The following GLCE variants were observed in gnomAD, a reference collection of about 807,000 sequenced individuals.
GLCE encodes D-glucuronyl C5-epimerase.
In GLCE, 19 loss-of-function variants were observed where a neutral mutation model predicts 47.9. The observed-to-expected ratio is 0.40, with a 90% CI of 0.28 to 0.58. The LOEUF is 0.58. GLCE is among the 20% of genes least tolerant of loss of function. GLCE has a pLI of 0.48. For missense variants in GLCE, 556 were observed against 743.3 expected (o/e 0.75, Z 2.93); for synonymous variants, 245 against 263.4 (o/e 0.93, Z 0.68).
intron 1 of GLCE, among the ~76,000 whole-genome samples, chr15:69,200,675 C>A (rs991543791): frequency 6.6e-6 from 1 of 152,050 alleles, no homozygotes. Context: ...AGGGTGTTGA[C>A]AAGAAAAGCT....
intron 1 of GLCE, among the ~76,000 whole-genome samples, chr15:69,198,012 A>G (rs1037357942): frequency 1.3e-5 from 2 of 152,188 alleles, no homozygotes; most frequent in Admixed American, 1.3e-4. Context: ...TTTGATGCTT[A>G]TAATTCACAT....
chr15:69,262,616 G>A (rs1411550610), intron 4 of GLCE, among the ~76,000 whole-genome samples: 1 of 152,126 alleles, frequency 6.6e-6, no homozygotes, highest in Non-Finnish European at 1.5e-5. Context: ...ATTTCATTGT[G>A]CACTTTTGGG....
At chr15:69,214,382 G>C (rs1474788277) in intron 2 of GLCE, among the ~76,000 whole-genome samples, 1 of 152,082 alleles carries the variant, frequency 6.6e-6, no homozygotes, top group Non-Finnish European at 1.5e-5. Context: ...TTATAATAGT[G>C]AGTGAGTTCT....
At chr15:69,166,658 G>T (rs190944973) in intron 1 of GLCE, among the ~76,000 whole-genome samples, 45 of 152,156 alleles carry the variant, frequency 3.0e-4, no homozygotes, top group African/African-American at 1.1e-3. Context: ...GGTGGCTTAC[G>T]CCTCTAATCC....
At chr15:69,252,258 T>C (rs1325048553) in intron 2 of GLCE, among the ~76,000 whole-genome samples, 1 of 152,128 alleles carries the variant, frequency 6.6e-6, no homozygotes, top group African/African-American at 2.4e-5. Flanking sequence ...TAATTTATTT[T>C]TAAAAAAAAA....
At chr15:69,191,770 T>C (rs763570696) in intron 1 of GLCE, among the ~76,000 whole-genome samples, 4 of 152,154 alleles carry the variant, frequency 2.6e-5, no homozygotes, top group Non-Finnish European at 5.9e-5. Context: ...TTCAAGTTCT[T>C]AGACACCAGC....
At position 69,268,701 on chromosome 15, in the gene GLCE, A is replaced by G. The variant is rs1401170501; in HGVS notation, c.1311A>G (p.Leu437=). Residue 437 remains leucine, a synonymous_variant, in exon 5 of 5, where the codon TTA becomes TTG. Transcript: ENST00000261858. ...AGTTAGGGGAAGGGTTCAAGTCTTTAGAGCCAGGATGGTATTCTGCCATGG... is the reference window on the plus strand; with the variant it reads ...AGTTAGGGGAAGGGTTCAAGTCTTTGGAGCCAGGATGGTATTCTGCCATGG... ...TRKLGEGFKS[L]EPGWYSAMAQ... The G allele has an allele frequency of 1.2e-6, 2 of 1,614,108 alleles. No homozygotes were observed. Among genetic ancestry groups the G allele is most frequent in the East Asian group, 2.2e-5 (1 of 44,898 alleles).
chr15:69,170,069 CA>C (rs2051566774), intron 1 of GLCE, among the ~76,000 whole-genome samples: 2 of 151,970 alleles, frequency 1.3e-5, no homozygotes, highest in Non-Finnish European at 2.9e-5. Flanking sequence ...AACATTAAGT[CA>C]AAAGATAAGA....
intron 1 of GLCE, among the ~76,000 whole-genome samples, chr15:69,181,188 G>A (rs766443225): frequency 3.3e-5 from 5 of 152,102 alleles, no homozygotes; most frequent in Non-Finnish European, 7.4e-5. Context: ...GTTGGATCTT[G>A]GACAAAGTAA....
chr15:69,207,065 C>CTTT (rs1267056624), intron 1 of GLCE, among the ~76,000 whole-genome samples: 2 of 152,032 alleles, frequency 1.3e-5, no homozygotes, highest in African/African-American at 2.4e-5. Flanking sequence ...CTAACAGAAA[C>CTTT]CTGGCCTTAT....
At chr15:69,216,481 T>A (rs2052308561) in intron 2 of GLCE, among the ~76,000 whole-genome samples, 1 of 152,158 alleles carries the variant, frequency 6.6e-6, no homozygotes, top group Non-Finnish European at 1.5e-5. Context: ...TATATTTAGT[T>A]TCTGTCAGAA....
At chr15:69,230,545 C>T (rs543053761) in intron 2 of GLCE, among the ~76,000 whole-genome samples, 3 of 152,308 alleles carry the variant, frequency 2.0e-5, no homozygotes, top group Non-Finnish European at 2.9e-5. Flanking sequence ...CCACAAGAGG[C>T]ATGATTTATC....
chr15:69,263,797 G>A (rs1370666183), intron 4 of GLCE, among the ~76,000 whole-genome samples: 1 of 152,090 alleles, frequency 6.6e-6, no homozygotes, highest in African/African-American at 2.4e-5. Context: ...ATGCTGCATA[G>A]TAAATCTGTT....
At chr15:69,240,722 A>G (rs566796795) in intron 2 of GLCE, among the ~76,000 whole-genome samples, 1 of 152,340 alleles carries the variant, frequency 6.6e-6, no homozygotes, top group Admixed American at 6.5e-5. Flanking sequence ...AGAAAATTGT[A>G]TTAGTGATGC....
chr15:69,218,138 C>T (rs374058396), intron 2 of GLCE, among the ~76,000 whole-genome samples: 25 of 125,702 alleles, frequency 2.0e-4, no homozygotes, highest in African/African-American at 6.5e-4. Context: ...GGTGACAGAG[C>T]GAGACTGTCT....
intron 1 of GLCE, among the ~76,000 whole-genome samples, chr15:69,204,277 CTTTTTTTTTTTTTT>C (rs57376738): frequency 1.1e-5 from 1 of 88,342 alleles, no homozygotes; most frequent in Non-Finnish European, 2.2e-5. Context: ...GATTGTTTTA[CTTTTTTTTTTTTTT>C]TTTTTTTTTG....
chr15:69,208,802 A>G (rs948867358), intron 1 of GLCE, among the ~76,000 whole-genome samples: 4 of 152,136 alleles, frequency 2.6e-5, no homozygotes, highest in Admixed American at 6.6e-5. Flanking sequence ...ATACATCAGC[A>G]TTTCGTTGTT....
chr15:69,163,108 T>G (rs2051450722), intron 1 of GLCE, among the ~76,000 whole-genome samples: 1 of 152,242 alleles, frequency 6.6e-6, no homozygotes, highest in Non-Finnish European at 1.5e-5. Context: ...AACTGATTGC[T>G]TGAGCAGATA....
chr15:69,170,514 A>G (rs2051573423), intron 1 of GLCE, among the ~76,000 whole-genome samples: 1 of 152,190 alleles, frequency 6.6e-6, no homozygotes, highest in South Asian at 2.1e-4. Flanking sequence ...GTATATGTGT[A>G]TAAATGTGTG....
Sources: allele counts gnomAD v4.1 joint callset (sites outside exome capture counted in the v4.1 genomes callset), GRCh38; gene constraint gnomAD v4.1.1; transcripts MANE v1.5; gene names NCBI Gene and HGNC (gene_info 2026-07-23, HGNC 2026-07-21).